TNFSF4: variants seen among roughly 807,000 people sequenced by gnomAD.
TNFSF4 encodes the protein tumor necrosis factor ligand superfamily member 4.
Under a neutral mutation model 7.3 loss-of-function variants are expected in TNFSF4, and 4 were observed. The observed-to-expected ratio is 0.55, with a 90% CI of 0.27 to 1.25. TNFSF4 has a LOEUF of 1.25. Ranked by LOEUF, TNFSF4 falls within the 50% of genes most tolerant of loss-of-function variation. The probability of loss-of-function intolerance (pLI) is 0.12; values close to 1 mark genes in which losing one functional copy is unlikely to be tolerated. For synonymous variants in TNFSF4, 76 were observed against 83.7 expected, an observed-to-expected ratio of 0.91 and a Z score of 0.50; for missense variants, 181 against 208.8, an observed-to-expected ratio of 0.87 and a Z score of 0.82.
chr1:173,248,650 A>G, the TNFSF4 span, among the ~76,000 whole-genome samples: 2 of 152,230 alleles, frequency 1.3e-5, no homozygotes, highest in Non-Finnish European at 2.9e-5. Flanking sequence ...TGGTGGGATT[A>G]TAAGTGGGTA....
At chr1:173,363,160 T>C in the TNFSF4 span, 1 of 302,170 alleles carries the variant, frequency 3.3e-6, no homozygotes, top group Non-Finnish European at 6.7e-6. Flanking sequence ...CTGTGGAAAG[T>C]TATACTCCCA....
At chr1:173,304,301 AGTGCTGAGAGT>A in the TNFSF4 span, among the ~76,000 whole-genome samples, 1 of 151,948 alleles carries the variant, frequency 6.6e-6, no homozygotes, top group Non-Finnish European at 1.5e-5. Context: ...ATATCATGGC[AGTGCTGAGAGT>A]TCTTATAAAC....
the TNFSF4 span, among the ~76,000 whole-genome samples, chr1:173,306,283 T>C: frequency 6.6e-6 from 1 of 151,894 alleles, no homozygotes; most frequent in Non-Finnish European, 1.5e-5. Flanking sequence ...TCATCAACTT[T>C]AAAACTTCTC....
At chr1:173,297,169 G>T in the TNFSF4 span, among the ~76,000 whole-genome samples, 1 of 152,012 alleles carries the variant, frequency 6.6e-6, no homozygotes, top group South Asian at 2.1e-4. Context: ...TACAGAGAAA[G>T]GTAGCCAGCC....
chr1:173,333,571 C>A, the TNFSF4 span, among the ~76,000 whole-genome samples: 1 of 151,898 alleles, frequency 6.6e-6, no homozygotes, highest in African/African-American at 2.4e-5. Context: ...GAACACTATT[C>A]CCATCATAAG....
chr1:173,412,951 T>C, the TNFSF4 span, among the ~76,000 whole-genome samples: 1 of 152,184 alleles, frequency 6.6e-6, no homozygotes, highest in African/African-American at 2.4e-5. Flanking sequence ...GCTGTTTAGG[T>C]CACATACTCA....
At chr1:173,406,109 T>G in the TNFSF4 span, among the ~76,000 whole-genome samples, 1 of 152,232 alleles carries the variant, frequency 6.6e-6, no homozygotes, top group Middle Eastern at 3.2e-3. Flanking sequence ...GCTATATTCT[T>G]GTAGACACAC....
the TNFSF4 span, among the ~76,000 whole-genome samples, chr1:173,296,841 C>T: frequency 6.6e-6 from 1 of 151,912 alleles, no homozygotes; most frequent in African/African-American, 2.4e-5. Flanking sequence ...TATGGATGGA[C>T]AGATGTAATG....
the TNFSF4 span, among the ~76,000 whole-genome samples, chr1:173,424,737 A>G: frequency 1.3e-5 from 2 of 152,248 alleles, no homozygotes; most frequent in African/African-American, 4.8e-5. Context: ...AGAATGGAAA[A>G]TGAAGTTGCA....
At chr1:173,209,133 A>G (rs183744666), upstream of TNFSF4, among the ~76,000 whole-genome samples, 149 of 152,306 alleles carry the variant, frequency 9.8e-4, no homozygotes, top group African/African-American at 3.5e-3. Flanking sequence ...TTGTCGTCCT[A>G]CTACCATATT....
chr1:173,213,745 C>T, the TNFSF4 span, among the ~76,000 whole-genome samples: 1 of 152,134 alleles, frequency 6.6e-6, no homozygotes, highest in Non-Finnish European at 1.5e-5. Context: ...AGAAATCATT[C>T]CAAAAGGAAA....
chr1:173,262,727 C>T, the TNFSF4 span, among the ~76,000 whole-genome samples: 10 of 151,678 alleles, frequency 6.6e-5, no homozygotes, highest in Admixed American at 6.6e-5. Context: ...CTCAGCCTCC[C>T]GAGTAGCTGG....
the TNFSF4 span, chr1:173,351,980 G>C: frequency 2.1e-6 from 1 of 477,350 alleles, no homozygotes. Context: ...GCAAATACAA[G>C]GAAGAAAAAA....
chr1:173,437,192 C>T, the TNFSF4 span, among the ~76,000 whole-genome samples: 34 of 152,252 alleles, frequency 2.2e-4, no homozygotes, highest in African/African-American at 8.2e-4. Flanking sequence ...TGCCCTATGT[C>T]GCTTCCCTCT....
At chr1:173,300,647 A>G in the TNFSF4 span, among the ~76,000 whole-genome samples, 11 of 151,836 alleles carry the variant, frequency 7.2e-5, no homozygotes, top group African/African-American at 2.7e-4. Flanking sequence ...TTTTTCTTTC[A>G]AGTGGAGTGC....
the TNFSF4 span, among the ~76,000 whole-genome samples, chr1:173,285,822 C>T: frequency 2.0e-5 from 3 of 152,132 alleles, no homozygotes; most frequent in African/African-American, 7.2e-5. Context: ...TTTATATGCA[C>T]TGGGAAACCA....
the TNFSF4 span, among the ~76,000 whole-genome samples, chr1:173,320,615 G>T: frequency 6.6e-6 from 1 of 152,150 alleles, no homozygotes; most frequent in Non-Finnish European, 1.5e-5. Context: ...AAACTAATAA[G>T]CAACTTCAGC....
the TNFSF4 span, among the ~76,000 whole-genome samples, chr1:173,312,205 T>C: frequency 3.3e-5 from 5 of 152,146 alleles, no homozygotes; most frequent in African/African-American, 1.2e-4. Context: ...TACAACCCAC[T>C]AGCAACTGCG....
chr1:173,324,765 G>A, the TNFSF4 span, among the ~76,000 whole-genome samples: 10 of 152,166 alleles, frequency 6.6e-5, no homozygotes, highest in Non-Finnish European at 1.2e-4. Context: ...AAGAGACAAA[G>A]AAGGCCATTA....
Sources: gnomAD v4.1 joint callset for allele counts (sites outside exome capture counted in the v4.1 genomes callset) on GRCh38, gnomAD v4.1.1 for gene constraint, MANE v1.5 for transcripts, NCBI Gene and HGNC (gene_info 2026-07-23, HGNC 2026-07-21) for gene names.